Variants in CLMN observed in about 807,000 individuals in gnomAD.
CLMN encodes calmin.
In CLMN, 57 loss-of-function variants were observed where a neutral mutation model predicts 92.7. The ratio of observed to expected loss-of-function variants is 0.61; its 90% confidence interval spans 0.50 to 0.77. The LOEUF is 0.77. Ranked by LOEUF, CLMN falls within the 30% of genes least tolerant of loss-of-function variation. The pLI is 0.00. For missense variants in CLMN, 1,158 were observed against 1,237.5 expected, an observed-to-expected ratio of 0.94 and a Z score of 0.96; for synonymous variants, 466 against 470.6, an observed-to-expected ratio of 0.99 and a Z score of 0.13.
intron 4 of CLMN, among the ~76,000 whole-genome samples, chr14:95,219,378 G>A (rs1312356617): frequency 2.6e-5 from 4 of 152,188 alleles, no homozygotes; most frequent in Non-Finnish European, 4.4e-5. Context: ...CATGCCCTTT[G>A]CAATTCAGGA....
intron 1 of CLMN, among the ~76,000 whole-genome samples, chr14:95,274,424 G>T (rs796274908): frequency 6.6e-6 from 1 of 152,092 alleles, no homozygotes; most frequent in Admixed American, 6.6e-5. Context: ...AGGCTGTGTC[G>T]TGTGTCAGCT....
In CLMN at chr14:95,204,296, A is replaced by G. The variant is rs1896980553; in HGVS notation, c.1053T>C (p.Phe351=). Residue 351 remains phenylalanine, a synonymous_variant, in exon 9 of 13, where the codon TTT becomes TTC. Coordinates refer to ENST00000298912, the MANE Select transcript of CLMN (RefSeq NM_024734.4). Reference sequence around the variant, plus strand: ...TCATGCTCTCGGGCTTGTCACAGACAAAGACTTTGGAGGGTGGTGGGTGGC... The same window carrying G: ...TCATGCTCTCGGGCTTGTCACAGACGAAGACTTTGGAGGGTGGTGGGTGGC... ...ETSHPPPSKV[F]VCDKPESMKE... 4 of 1,614,204 alleles carry G rather than the reference A, an allele frequency of 2.5e-6. No homozygotes were observed. The highest frequency in any genetic ancestry group is 3.4e-6 in the Non-Finnish European group (4 of 1,180,032).
intron 1 of CLMN, among the ~76,000 whole-genome samples, chr14:95,312,747 A>C (rs540896785): frequency 2.6e-4 from 40 of 152,322 alleles, no homozygotes; most frequent in African/African-American, 9.1e-4. Flanking sequence ...ATGACCAGGC[A>C]AGTGTGGGAG....
At chr14:95,220,014 A>T (rs932120612) in intron 4 of CLMN, among the ~76,000 whole-genome samples, 3 of 151,912 alleles carry the variant, frequency 2.0e-5, no homozygotes, top group African/African-American at 7.3e-5. Context: ...ATTTCCAAAA[A>T]CTTCCCTGTC....
In CLMN at chr14:95,216,593, T is replaced by A. The variant is rs1374381764; in HGVS notation, c.325-860A>T. On this transcript the variant is annotated intron_variant, in intron 4 of 12. Coordinates refer to ENST00000298912, the MANE Select transcript of CLMN (RefSeq NM_024734.4). Reference sequence around the variant, plus strand: ...TTGGGACAAACACAGAGCACCGACATGAGCAGTCACGGACTGTGGTGGGTG... The same window carrying A: ...TTGGGACAAACACAGAGCACCGACAAGAGCAGTCACGGACTGTGGTGGGTG... Among the ~76,000 whole-genome samples, 6 of 152,218 alleles carry A rather than the reference T, an allele frequency of 3.9e-5. No individual in the cohort carries two copies. In the East Asian group the frequency reaches 1.2e-3, roughly 29 times the overall value.
intron 1 of CLMN, among the ~76,000 whole-genome samples, chr14:95,232,169 G>A (rs1278727562): frequency 6.6e-6 from 1 of 152,236 alleles, no homozygotes; most frequent in East Asian, 1.9e-4. Flanking sequence ...TTTCTGAGAT[G>A]GGCCCCAGTG....
chr14:95,313,466 G>T (rs1298524409), intron 1 of CLMN, among the ~76,000 whole-genome samples: 1 of 152,252 alleles, frequency 6.6e-6, no homozygotes, highest in Non-Finnish European at 1.5e-5. Flanking sequence ...AAAAGAGGCA[G>T]CAGGCCAGAT....
intron 1 of CLMN, among the ~76,000 whole-genome samples, chr14:95,301,029 T>G (rs1282784952): frequency 6.6e-6 from 1 of 152,272 alleles, no homozygotes; most frequent in Admixed American, 6.5e-5. Context: ...CCTGATGCAC[T>G]AAGTAATTTT....
At chr14:95,244,771 G>A (rs1898396088) in intron 1 of CLMN, among the ~76,000 whole-genome samples, 2 of 151,958 alleles carry the variant, frequency 1.3e-5, no homozygotes, top group Admixed American at 6.6e-5. Flanking sequence ...ACACTAGTGC[G>A]CTAAAAGAAG....
At chr14:95,196,204 G>A (rs1181085464) in intron 10 of CLMN, among the ~76,000 whole-genome samples, 1 of 152,064 alleles carries the variant, frequency 6.6e-6, no homozygotes, top group Non-Finnish European at 1.5e-5. Flanking sequence ...TCACCCCCAC[G>A]CCTACCTATG....
intron 1 of CLMN, among the ~76,000 whole-genome samples, chr14:95,264,798 C>G (rs1440523241): frequency 6.6e-6 from 1 of 152,014 alleles, no homozygotes; most frequent in Non-Finnish European, 1.5e-5. Context: ...GAAGGCTGGG[C>G]GCAGTGGCTC....
At chr14:95,215,815 CTGTG>C (rs57063101) in intron 4 of CLMN, 82 bp from the exon 5 acceptor site, 16,135 of 564,884 alleles carry the variant, frequency 0.029, 80 homozygotes, top group East Asian at 0.059. Flanking sequence ...CTCTCTCTCT[CTGTG>C]TGTGTGTGTG....
chr14:95,314,944 C>G (rs753946632), intron 1 of CLMN, among the ~76,000 whole-genome samples: 56 of 152,158 alleles, frequency 3.7e-4, no homozygotes, highest in Non-Finnish European at 5.9e-4. Context: ...ATATAGAAAC[C>G]TTCAGTGCAC....
At chr14:95,310,715 C>T (rs1901499634) in intron 1 of CLMN, among the ~76,000 whole-genome samples, 1 of 152,218 alleles carries the variant, frequency 6.6e-6, no homozygotes, top group Admixed American at 6.5e-5. Flanking sequence ...GCTGTGAGTT[C>T]TGTCCAGGAG....
intron 8 of CLMN, among the ~76,000 whole-genome samples, chr14:95,209,142 T>C (rs1387627012): frequency 1.3e-5 from 2 of 152,214 alleles, no homozygotes; most frequent in African/African-American, 4.8e-5. Context: ...AAAAGTGGTA[T>C]ATATAGGGTT....
At chr14:95,284,868 G>T (rs543095693) in intron 1 of CLMN, among the ~76,000 whole-genome samples, 1 of 152,154 alleles carries the variant, frequency 6.6e-6, no homozygotes, top group African/African-American at 2.4e-5. Flanking sequence ...GGCTTTGGGG[G>T]ACTGTTGGGA....
chr14:95,230,316 C>T (rs1897844727), intron 1 of CLMN, among the ~76,000 whole-genome samples, 183 bp from the exon 2 acceptor site: 1 of 152,210 alleles, frequency 6.6e-6, no homozygotes, highest in Admixed American at 6.5e-5. Context: ...ACCCATGCTC[C>T]CCAGCCCAAC....
At chr14:95,225,975 T>C (rs2140626389) in intron 2 of CLMN, among the ~76,000 whole-genome samples, 1 of 152,286 alleles carries the variant, frequency 6.6e-6, no homozygotes, top group South Asian at 2.1e-4. Flanking sequence ...GTGTGAGGAT[T>C]TGCAAACTCT....
chr14:95,290,802 G>C (rs980812854), intron 1 of CLMN, among the ~76,000 whole-genome samples: 15 of 152,166 alleles, frequency 9.9e-5, no homozygotes, highest in Non-Finnish European at 1.5e-5. Context: ...GCTCCCGAGC[G>C]TCAGAACAGC....
Sources: allele counts gnomAD v4.1 joint callset (sites outside exome capture counted in the v4.1 genomes callset), GRCh38; gene constraint gnomAD v4.1.1; transcripts MANE v1.5; gene names NCBI Gene and HGNC (gene_info 2026-07-23, HGNC 2026-07-21).